The following ADAP1 variants were observed in gnomAD, a reference collection of about 807,000 sequenced individuals.
The protein encoded by ADAP1 is ArfGAP with dual PH domains 1.
In ADAP1, 31 loss-of-function variants were observed where a neutral mutation model predicts 54.9. The observed-to-expected ratio is 0.56, with a 90% CI of 0.42 to 0.76. The LOEUF (loss-of-function observed/expected upper bound fraction) is 0.76. Among genes scored for constraint, ADAP1 ranks in the 30% least tolerant of loss-of-function variants. ADAP1 has a pLI of 0.00. For missense variants in ADAP1, 535 were observed against 512.4 expected, an observed-to-expected ratio of 1.04 and a Z score of -0.42; for synonymous variants, 313 against 202.6, an observed-to-expected ratio of 1.55 and a Z score of -4.63.
Position 945,902 on chromosome 7 carries a change from C to T in ADAP1, c.82+8494G>A, listed in dbSNP as rs1039117346. 15 of 885,932 alleles carry T rather than the reference C, an allele frequency of 1.7e-5. No homozygotes were observed. In the East Asian group the frequency reaches 8.3e-4, roughly 49 times the overall value. 54.9% of individuals were successfully genotyped at this position (885,932 alleles called of 1,614,324 possible). A position where few individuals can be genotyped will look rare whatever the true frequency, so the allele number is the denominator to read the frequency against. On this transcript the variant is annotated intron_variant, in intron 1 of 10. Coordinates refer to ENST00000265846, the MANE Select transcript of ADAP1 (RefSeq NM_006869.4). The surrounding 1 kb of genome is among the most constrained non-coding windows in gnomAD (Gnocchi z 4.2). ...CCAAGCCAAGGCCCAGGCTGGGGCA[C>T]GGGCAGGGGGAAGGGCAGTAGCCAA...
intron 4 of ADAP1, among the ~76,000 whole-genome samples, chr7:915,285 C>T (rs1845889148): frequency 6.6e-6 from 1 of 152,170 alleles, no homozygotes; most frequent in Non-Finnish European, 1.5e-5. Context: ...TACATCTCGT[C>T]TGTGTACCTC....
chr7:900,352 G>A (rs1844727717), intron 7 of ADAP1, among the ~76,000 whole-genome samples, 181 bp downstream of exon 7: 1 of 152,024 alleles, frequency 6.6e-6, no homozygotes, highest in Admixed American at 6.5e-5. Flanking sequence ...TTCCCCTTTG[G>A]CTGAGCTGAA....
chr7:908,842 AGAC>A (rs1426379031), intron 4 of ADAP1, among the ~76,000 whole-genome samples: 8 of 152,260 alleles, frequency 5.3e-5, no homozygotes, highest in East Asian at 3.9e-4. Context: ...TCACCAATGC[AGAC>A]GACAAGTTTG....
chr7:918,619 C>T (rs1342841983), intron 4 of ADAP1, among the ~76,000 whole-genome samples: 1 of 152,160 alleles, frequency 6.6e-6, no homozygotes, highest in Non-Finnish European at 1.5e-5. Context: ...TGGCCATGCC[C>T]AGCAGCACCA....
chr7:927,257 T>TTCCAGGAGGCTCGTGC, intron 2 of ADAP1: 2 of 1,246,128 alleles, frequency 1.6e-6, no homozygotes, highest in Non-Finnish European at 2.1e-6. Context: ...GAGGCTGTCG[T>TTCCAGGAGGCTCGTGC]TCCAGGAGGC....
At chr7:906,608 GGAGAAAGGGAAAGGAGAAAGGA>G (rs1845385738) in intron 4 of ADAP1, among the ~76,000 whole-genome samples, 1 of 9,450 alleles carries the variant, frequency 1.1e-4, no homozygotes, top group African/African-American at 8.6e-4. Context: ...AGGGAGAAAG[GGAGAAAGGGAAAGGAGAAAGGA>G]GAAAGGAGAA....
intron 6 of ADAP1, chr7:903,808 G>A (rs888883505): frequency 7.5e-5 from 21 of 279,020 alleles, no homozygotes; most frequent in East Asian, 5.6e-4. Flanking sequence ...CCTCTAGCCC[G>A]AGCTGGCAGC....
intron 4 of ADAP1, among the ~76,000 whole-genome samples, chr7:906,218 A>AG (rs1314966767): frequency 6.4e-5 from 1 of 15,538 alleles, no homozygotes; most frequent in Non-Finnish European, 1.1e-4. Context: ...GAAAGGAGAA[A>AG]GGGAAAGGAG....
At chr7:905,810 A>AGGAGAAAGGAGAAG (rs1845231474) in intron 4 of ADAP1, among the ~76,000 whole-genome samples, 1 of 29,768 alleles carries the variant, frequency 3.4e-5, no homozygotes, top group Non-Finnish European at 6.6e-5. Flanking sequence ...GAAAGGAGAA[A>AGGAGAAAGGAGAAG]GGAGAAGGGA....
rs138921163 is a variant in ADAP1, at chr7:946,014, C to A, written c.82+8382G>T. Among the ~76,000 whole-genome samples the A allele has an allele frequency of 3.8e-3, 573 of 152,316 alleles. 5 individuals carry two copies. The highest frequency in any genetic ancestry group is 0.023 in the South Asian group (109 of 4,828). ...GATCCCGGTGCAATCGAGGCCGGGT[C>A]GGACGCTGGCTCTGGCCAGGCACGC... is the stretch of plus-strand genomic sequence containing the variant. On this transcript the variant is annotated intron_variant, in intron 1 of 10. Transcript: ENST00000265846. The surrounding 1 kb of genome is among the most constrained non-coding windows in gnomAD (Gnocchi z 4.3).
chr7:954,649 G>A lies in ADAP1; in HGVS notation c.-172C>T, dbSNP rs1847345252. 1.0e-6 allele frequency: 1 copy of A among 982,628 alleles called. No individual in the cohort carries two copies. The highest frequency in any genetic ancestry group is 1.2e-6 in the Non-Finnish European group (1 of 829,330). 60.9% of individuals were successfully genotyped at this position (982,628 alleles called of 1,614,324 possible). ...CCGCCCTCTGGGCTCCGCCGCCGCC[G>A]CTCGTGTCTCCGCCGCGGTCGCTGA... On this transcript the variant is annotated 5_prime_UTR_variant, in exon 1 of 11. Transcript: ENST00000265846.
chr7:928,884 G>A (rs1372662751), intron 2 of ADAP1, among the ~76,000 whole-genome samples: 1 of 152,232 alleles, frequency 6.6e-6, no homozygotes, highest in East Asian at 1.9e-4. Context: ...GCACATGAGT[G>A]TTCACAGCAC....
At chr7:899,287 C>G (rs117742034) in intron 9 of ADAP1, 26 bp from the exon 10 acceptor site, 1 of 1,611,178 alleles carries the variant, frequency 6.2e-7, no homozygotes, top group Non-Finnish European at 8.5e-7. Flanking sequence ...GCACTGGAGG[C>G]GGGGCCATGT....
rs964837286 is a variant in ADAP1, at chr7:899,506, G to A, written c.796-16C>T. 1.9e-6 allele frequency: 3 copies of A among 1,611,720 alleles called. No homozygotes were observed. Among genetic ancestry groups the A allele is most frequent in the Non-Finnish European group, 8.5e-7 (1 of 1,179,334 alleles). ...CTTCCGTTTGCTGTGGGTCAGAGAG[G>A]GCCCGTGACCGGCAGGTCGCCGAGG... On this transcript the variant is annotated splice_polypyrimidine_tract_variant and intron_variant, in intron 8 of 10. Transcript: ENST00000265846.
Position 945,978 on chromosome 7 carries a change from C to T in ADAP1, c.82+8418G>A, listed in dbSNP as rs773586890. Reference sequence around the variant, plus strand: ...GAGACCTTTGCCCTCCCAAGGCTGACGCACAGCAGAGATCCCGGTGCAATC... The same window carrying T: ...GAGACCTTTGCCCTCCCAAGGCTGATGCACAGCAGAGATCCCGGTGCAATC... On this transcript the variant is annotated intron_variant, in intron 1 of 10. Coordinates refer to ENST00000265846, the MANE Select transcript of ADAP1 (RefSeq NM_006869.4). The surrounding 1 kb of genome is among the most constrained non-coding windows in gnomAD (Gnocchi z 4.2). Among the ~76,000 whole-genome samples, 12 of 152,214 alleles carry T rather than the reference C, an allele frequency of 7.9e-5. No individual in the cohort carries two copies. Among genetic ancestry groups the T allele is most frequent in the Admixed American group, 2.0e-4 (3 of 15,290 alleles).
At chr7:954,374 C>T in intron 1 of ADAP1, 22 bp downstream of exon 1, 1 of 1,064,792 alleles carries the variant, frequency 9.4e-7, no homozygotes, top group Non-Finnish European at 1.1e-6. Context: ...CCCGGCCCCG[C>T]GCCCACCCGG....
chr7:944,929 G>C (rs1847101044), intron 1 of ADAP1, among the ~76,000 whole-genome samples: 2 of 152,010 alleles, frequency 1.3e-5, no homozygotes, highest in East Asian at 3.9e-4. Context: ...GGTGACTCTG[G>C]GCGATGTCTT....
Position 920,650 on chromosome 7 carries a change from A to G in ADAP1, c.306-600T>C. On this transcript the variant is annotated intron_variant, in intron 3 of 10. Coordinates refer to ENST00000265846, the MANE Select transcript of ADAP1 (RefSeq NM_006869.4). This position sits in a 1 kb window ranked among gnomAD's most constrained non-coding sequence, Gnocchi z 4.5. ...AGAAACTACCGGCAAATACCCAAGA[A>G]TCCAGGAAGACCCGGGATGAGGAGA... 1.3e-6 allele frequency: 1 copy of G among 748,320 alleles called. No homozygotes were observed. The highest frequency in any genetic ancestry group is 2.1e-6 in the Non-Finnish European group (1 of 474,116). The allele number at this position is 748,320 out of a possible 1,614,324, so 46.4% of individuals were successfully genotyped here.
In ADAP1 at chr7:927,345, C is replaced by T. The variant is rs1037553636; in HGVS notation, c.214-701G>A. 3.4e-5 allele frequency: 30 copies of T among 874,124 alleles called. No individual in the cohort carries two copies. In the East Asian group the frequency reaches 7.1e-4, roughly 21 times the overall value. The allele number at this position is 874,124 out of a possible 1,614,324, so 54.1% of individuals were successfully genotyped here. A position where few individuals can be genotyped will look rare whatever the true frequency, so the allele number is the denominator to read the frequency against. On this transcript the variant is annotated intron_variant, in intron 2 of 10. Coordinates refer to ENST00000265846, the MANE Select transcript of ADAP1 (RefSeq NM_006869.4). ...CCTGAGGGTGGACGCTGGCAATGAC[C>T]CTGCCGCCAGCCAGGTATGGTGAGC...
Sources: allele counts gnomAD v4.1 joint callset (sites outside exome capture counted in the v4.1 genomes callset), GRCh38; gene constraint gnomAD v4.1.1; non-coding constraint Gnocchi (gnomAD v3.1); transcripts MANE v1.5; gene names NCBI Gene and HGNC (gene_info 2026-07-23, HGNC 2026-07-21).